STK32B: variants seen among roughly 807,000 people sequenced by gnomAD.
The protein encoded by STK32B is serine/threonine kinase 32B.
In STK32B, 43 loss-of-function variants were observed where a neutral mutation model predicts 52.6. The ratio of observed to expected loss-of-function variants is 0.82; its 90% CI spans 0.64 to 1.05. The LOEUF (loss-of-function observed/expected upper bound fraction) is 1.05. Ranked by LOEUF, STK32B falls within the 50% of genes least tolerant of loss-of-function variation. The pLI is 0.00. For synonymous variants in STK32B, 238 were observed against 204.3 expected, an observed-to-expected ratio of 1.17 and a Z score of -1.41; for missense variants, 621 against 534.6, an observed-to-expected ratio of 1.16 and a Z score of -1.59.
At chr4:5,247,606 G>C (rs973589751) in intron 3 of STK32B, among the ~76,000 whole-genome samples, 1 of 152,180 alleles carries the variant, frequency 6.6e-6, no homozygotes, top group Non-Finnish European at 1.5e-5. Flanking sequence ...GCGCTTCCCT[G>C]TGTGATGAAC....
At chr4:5,104,543 A>ATAT (rs1713996325) in intron 1 of STK32B, among the ~76,000 whole-genome samples, 1 of 152,260 alleles carries the variant, frequency 6.6e-6, no homozygotes, top group Non-Finnish European at 1.5e-5. Context: ...TTTAAATGAA[A>ATAT]TATTACCTAC....
intron 6 of STK32B, among the ~76,000 whole-genome samples, chr4:5,444,960 T>A (rs959274693): frequency 8.5e-5 from 13 of 152,148 alleles, no homozygotes; most frequent in Admixed American, 5.2e-4. Flanking sequence ...ACCATTCCAC[T>A]ATGTGGCACT....
At chr4:5,442,243 C>G (rs1395328224) in intron 6 of STK32B, among the ~76,000 whole-genome samples, 2 of 147,046 alleles carry the variant, frequency 1.4e-5, no homozygotes, top group South Asian at 2.5e-4. Context: ...GAGTCTAAGT[C>G]TCTTTGTAGG....
intron 2 of STK32B, among the ~76,000 whole-genome samples, chr4:5,146,218 C>A (rs969364667): frequency 6.6e-6 from 1 of 151,858 alleles, no homozygotes; most frequent in Non-Finnish European, 1.5e-5. Flanking sequence ...AAGGTGAAGC[C>A]CCACCATAGG....
intron 3 of STK32B, among the ~76,000 whole-genome samples, chr4:5,317,319 TAA>T (rs1731113125): frequency 1.3e-5 from 1 of 77,400 alleles, no homozygotes; most frequent in Non-Finnish European, 1.9e-5. Flanking sequence ...AACATATGTA[TAA>T]TATATATTAC....
rs73211172 is a variant in STK32B at position 5,386,814 on chromosome 4, A to C, written c.435-11393A>C. 5.0e-3 allele frequency among the ~76,000 whole-genome samples: 768 copies of C among 152,312 alleles called. 4 individuals are homozygous for C. Among genetic ancestry groups the C allele is most frequent in the Non-Finnish European group, 8.0e-3 (542 of 68,016 alleles). ...CCATTGGGTCCAACTCTCGGATTCC[A>C]ATAGAAGTCACGTGGATAGAGTCGG... On this transcript the variant is annotated intron_variant, in intron 4 of 11. Transcript: ENST00000282908. This position sits in a 1 kb window ranked among gnomAD's most constrained non-coding sequence, Gnocchi z 4.5.
chr4:5,126,576 T>C (rs956988068), intron 1 of STK32B, among the ~76,000 whole-genome samples: 8 of 152,244 alleles, frequency 5.3e-5, no homozygotes, highest in Admixed American at 1.3e-4. Context: ...GTTGGAGTTG[T>C]AGAAATAAAA....
chr4:5,359,330 T>TCCATCCAC (rs1261015970), intron 4 of STK32B, among the ~76,000 whole-genome samples: 1 of 151,822 alleles, frequency 6.6e-6, no homozygotes, highest in Non-Finnish European at 1.5e-5. Flanking sequence ...CATCTACCCA[T>TCCATCCAC]CCATCCACCC....
At position 5,062,755 on chromosome 4, in the gene STK32B, G is replaced by A. The variant is rs1380369137; in HGVS notation, c.52+10840G>A. Among the ~76,000 whole-genome samples, 21 of 152,220 alleles carry A rather than the reference G, an allele frequency of 1.4e-4. No homozygotes were observed. The East Asian group carries it at 1.7e-3, about 13-fold the overall frequency. On this transcript the variant is annotated intron_variant, in intron 1 of 11. Coordinates refer to ENST00000282908, the MANE Select transcript of STK32B (RefSeq NM_018401.3). The stretch of plus-strand genomic sequence containing the variant: ...GATCTCCTGACCTCGTGATCCGCCC[G>A]CCTCAGCCTCCCAAAGTGCTGGGAT...
intron 6 of STK32B, among the ~76,000 whole-genome samples, chr4:5,440,319 C>T (rs1309539169): frequency 6.6e-6 from 1 of 152,186 alleles, no homozygotes; most frequent in Non-Finnish European, 1.5e-5. Flanking sequence ...AGGTCCTACA[C>T]ATCCCTTGTA....
At chr4:5,135,629 G>A (rs887778326) in intron 1 of STK32B, among the ~76,000 whole-genome samples, 1 of 152,120 alleles carries the variant, frequency 6.6e-6, no homozygotes, top group African/African-American at 2.4e-5. Context: ...TGTGTTCAGA[G>A]GCTCACAGGA....
At chr4:5,172,712 A>G (rs1020114131) in intron 3 of STK32B, among the ~76,000 whole-genome samples, 29 of 152,262 alleles carry the variant, frequency 1.9e-4, no homozygotes, top group African/African-American at 7.0e-4. Flanking sequence ...TCGGTTTGCC[A>G]GTATTTTATT....
intron 6 of STK32B, among the ~76,000 whole-genome samples, chr4:5,441,962 TGA>T (rs1714818800): frequency 7.8e-6 from 1 of 128,056 alleles, no homozygotes; most frequent in African/African-American, 3.0e-5. Flanking sequence ...CACTGTGGTC[TGA>T]GAGATAGTTT....
the STK32B span, among the ~76,000 whole-genome samples, chr4:5,032,355 C>T: frequency 3.3e-5 from 5 of 151,448 alleles, no homozygotes; most frequent in Non-Finnish European, 7.4e-5. Flanking sequence ...CAACTGTAGT[C>T]CCAGCTACTC....
At chr4:5,360,404 G>C (rs969909254) in intron 4 of STK32B, among the ~76,000 whole-genome samples, 1 of 152,112 alleles carries the variant, frequency 6.6e-6, no homozygotes, top group Non-Finnish European at 1.5e-5. Context: ...CAAGTGCTTT[G>C]AGAGGGAAAG....
intron 3 of STK32B, among the ~76,000 whole-genome samples, chr4:5,223,609 C>G (rs914435215): frequency 6.6e-6 from 1 of 151,746 alleles, no homozygotes; most frequent in African/African-American, 2.4e-5. Flanking sequence ...GTCAGGAGAT[C>G]GAGACCATCC....
intron 1 of STK32B, among the ~76,000 whole-genome samples, chr4:5,105,717 C>T (rs1577071794): frequency 6.6e-6 from 1 of 151,868 alleles, no homozygotes; most frequent in East Asian, 2.0e-4. Flanking sequence ...GCGCCCGCCA[C>T]CACGCCTGGC....
chr4:5,317,295 A>AATATATAACATATAACAT (rs1560313702), intron 3 of STK32B, among the ~76,000 whole-genome samples: 675 of 37,862 alleles, frequency 0.018, 118 homozygotes, highest in African/African-American at 0.056. Context: ...ACATATATAT[A>AATATATAACATATAACAT]ATATATAATA....
At chr4:5,439,759 C>G (rs1475182595) in intron 6 of STK32B, among the ~76,000 whole-genome samples, 1 of 152,100 alleles carries the variant, frequency 6.6e-6, no homozygotes, top group East Asian at 1.9e-4. Context: ...AGTCTTTAAT[C>G]CATCTTGAAT....
Sources: allele counts gnomAD v4.1 joint callset (sites outside exome capture counted in the v4.1 genomes callset), GRCh38; gene constraint gnomAD v4.1.1; non-coding constraint Gnocchi (gnomAD v3.1); transcripts MANE v1.5; gene names NCBI Gene and HGNC (gene_info 2026-07-23, HGNC 2026-07-21).